The following SH3GLB2 variants were observed in gnomAD, a reference collection of about 807,000 sequenced individuals.
The protein encoded by SH3GLB2 is SH3 domain containing GRB2 like, endophilin B2, also known as endophilin-B2.
A neutral mutation model predicts 48.0 loss-of-function variants in SH3GLB2; 24 were observed. The ratio of observed to expected loss-of-function variants is 0.50; its 90% CI spans 0.36 to 0.70. SH3GLB2 has a LOEUF of 0.70. Among genes scored for constraint, SH3GLB2 ranks in the 30% least tolerant of loss-of-function variants. SH3GLB2 has a pLI of 0.00. For synonymous variants in SH3GLB2, 227 were observed against 207.6 expected (o/e 1.09, Z -0.80); for missense variants, 425 against 516.0 (o/e 0.82, Z 1.71).
intron 1 of SH3GLB2, among the ~76,000 whole-genome samples, chr9:129,027,172 C>T (rs576005464): frequency 6.6e-6 from 1 of 152,306 alleles, no homozygotes; most frequent in South Asian, 2.1e-4. Context: ...GGGCGGGGCT[C>T]TGAGAGAAGT....
At chr9:129,013,479 A>G (rs1843241837) in intron 5 of SH3GLB2, 3 of 186,408 alleles carry the variant, frequency 1.6e-5, no homozygotes, top group South Asian at 1.2e-4. Flanking sequence ...CAATAGGCAC[A>G]GGTCACCCTA....
intron 1 of SH3GLB2, among the ~76,000 whole-genome samples, chr9:129,024,643 C>T (rs1337036017): frequency 6.6e-6 from 1 of 151,234 alleles, no homozygotes; most frequent in Admixed American, 6.6e-5. Context: ...GCCCAGGAGG[C>T]GGAGGTTGCA....
chr9:129,015,072 G>GAACT (rs1166150726), intron 3 of SH3GLB2, among the ~76,000 whole-genome samples, 168 bp from the exon 4 acceptor site: 25 of 152,146 alleles, frequency 1.6e-4, no homozygotes, highest in African/African-American at 6.0e-4. Flanking sequence ...CATCAACTGG[G>GAACT]AACTAACAAA....
rs1220245533 is a variant in SH3GLB2, at chr9:129,008,782, C to CA, written c.1089dup (p.Val364CysfsTer10). ...GGGTCCATGCCAGGCAGGCTGTAGA[C>CA]AGTGATGAGCTGCAGAGATGGCAGT... is the stretch of plus-strand genomic sequence containing the variant. On this transcript the variant is annotated frameshift_variant, in exon 11 of 11. Coordinates refer to ENST00000372564, the MANE Select transcript of SH3GLB2 (RefSeq NM_020145.4). LOFTEE classifies it high-confidence loss of function. 6.2e-7 allele frequency: 1 copy of CA among 1,613,810 alleles called. No homozygotes were observed. The highest frequency in any genetic ancestry group is 2.2e-5 in the East Asian group (1 of 44,888).
At chr9:129,010,766 C>G in intron 6 of SH3GLB2, 73 bp from the exon 7 acceptor site, 1 of 1,582,146 alleles carries the variant, frequency 6.3e-7, no homozygotes, top group Non-Finnish European at 8.7e-7. Context: ...AGCCTGTGCC[C>G]TGCCCCAGCT....
At position 129,011,724 on chromosome 9, in the gene SH3GLB2, C is replaced by G. The variant is rs1329819018; in HGVS notation, c.624+512G>C. On this transcript the variant is annotated intron_variant, in intron 6 of 10. Transcript: ENST00000372564. The surrounding 1 kb of genome is among the most constrained non-coding windows in gnomAD (Gnocchi z 4.5). ...TGGGGGCCCTGCCTAAGCCTCAGGA[C>G]AAGACATGCCCTGCTCCAGGACCTC... The G allele has an allele frequency of 6.5e-6, 1 of 153,888 alleles. No individual in the cohort carries two copies. Among genetic ancestry groups the G allele is most frequent in the Non-Finnish European group, 1.4e-5 (1 of 69,240 alleles). The allele number at this position is 153,888 out of a possible 1,614,324, so 9.5% of individuals were successfully genotyped here.
In SH3GLB2 at chr9:129,012,254, G is replaced by T; in HGVS notation, c.606C>A (p.Leu202=). ...CGCTTACCGCGGAGGCGCTGGCCGA[G>T]AGAATGTAATTACGAGGTCTAGTCT... is the stretch of plus-strand genomic sequence containing the variant. ...FQETRPRNYI[L]SASASALWND... The change falls in exon 6 of 11, where the codon CTC becomes CTA. Residue 202 remains leucine (L), a synonymous_variant. Transcript: ENST00000372564. 7.7e-7 allele frequency: 1 copy of T among 1,298,952 alleles called. No homozygotes were observed. The highest frequency in any genetic ancestry group is 3.6e-5 in the Admixed American group (1 of 27,422). 80.5% of individuals were successfully genotyped at this position (1,298,952 alleles called of 1,614,324 possible).
chr9:129,016,341 TTAAAAAAAAAAA>T lies in SH3GLB2; in HGVS notation c.335-1449_335-1438del, dbSNP rs1432427622. ...CTGGGCAACAAGAGCAAGACTGTCT[TTAAAAAAAAAAA>T]AAAAAAAAAAAAAAAAAAAAGATAC... On this transcript the variant is annotated intron_variant, in intron 3 of 10. Transcript: ENST00000372564. Among the ~76,000 whole-genome samples, 660 of 111,120 alleles carry T rather than the reference TTAAAAAAAAAAA, an allele frequency of 5.9e-3. 26 individuals are homozygous for T. Among genetic ancestry groups the T allele is most frequent in the African/African-American group, 0.019 (528 of 27,316 alleles). 72.9% of individuals were successfully genotyped at this position (111,120 alleles called of 152,430 possible). A position where few individuals can be genotyped will look rare whatever the true frequency, so the allele number is the denominator to read the frequency against.
intron 3 of SH3GLB2, among the ~76,000 whole-genome samples, chr9:129,016,567 A>G (rs181403356): frequency 6.6e-6 from 1 of 151,678 alleles, no homozygotes; most frequent in Non-Finnish European, 1.5e-5. Flanking sequence ...CTGAGGTAGG[A>G]TAATCGCTTG....
intron 10 of SH3GLB2, 122 bp downstream of exon 10, chr9:129,008,983 TC>T: frequency 1.3e-6 from 2 of 1,494,354 alleles, no homozygotes; most frequent in Non-Finnish European, 9.0e-7. Flanking sequence ...GGATATGCCC[TC>T]TTTAACCTGC....
At chr9:129,013,083 C>G (rs1164199236) in intron 5 of SH3GLB2, 14 of 1,545,272 alleles carry the variant, frequency 9.1e-6, no homozygotes, top group Non-Finnish European at 1.1e-5. Context: ...GAGTCCACAG[C>G]GCAGGCAGGA....
chr9:129,009,723 T>G (rs371855354), intron 9 of SH3GLB2, 48 bp downstream of exon 9: 7 of 1,537,148 alleles, frequency 4.6e-6, no homozygotes, highest in Non-Finnish European at 5.3e-6. Flanking sequence ...ACGGACAGGG[T>G]ATGGGAGCCA....
At position 129,012,260 on chromosome 9, in the gene SH3GLB2, G is replaced by A. The variant is rs755216231; in HGVS notation, c.600C>T (p.Tyr200=). The change falls in exon 6 of 11, where the codon TAC becomes TAT. Residue 200 remains tyrosine, a synonymous_variant. Coordinates refer to ENST00000372564, the MANE Select transcript of SH3GLB2 (RefSeq NM_020145.4). ...CCGCGGAGGCGCTGGCCGAGAGAAT[G>A]TAATTACGAGGTCTAGTCTCCTGAA... is the stretch of plus-strand genomic sequence containing the variant. ...PDFQETRPRN[Y]ILSASASALW... is the part of the protein sequence containing the mutation. The A allele has an allele frequency of 3.1e-6, 4 of 1,300,564 alleles. No individual in the cohort carries two copies. Among genetic ancestry groups the A allele is most frequent in the Admixed American group, 7.2e-5 (2 of 27,696 alleles). The allele number at this position is 1,300,564 out of a possible 1,614,324, so 80.6% of individuals were successfully genotyped here.
chr9:129,020,237 G>C (rs1436637163), intron 3 of SH3GLB2, among the ~76,000 whole-genome samples: 1 of 132,746 alleles, frequency 7.5e-6, no homozygotes, highest in East Asian at 2.2e-4. Context: ...AAAAAAGTCA[G>C]GTTCCCAGAT....
At position 129,014,626 on chromosome 9, in the gene SH3GLB2, G is replaced by A; in HGVS notation, c.469-123C>T. The stretch of plus-strand genomic sequence containing the variant: ...ATAGGGAAACTGAGGCCCAGAGATA[G>A]GAGGTCACTCAGTCCAAAGGAGCCC... On this transcript the variant is annotated intron_variant, in intron 4 of 10. Transcript: ENST00000372564. The surrounding 1 kb of genome is among the most constrained non-coding windows in gnomAD (Gnocchi z 4.1). 1 of 1,489,314 alleles carries A rather than the reference G, an allele frequency of 6.7e-7. No individual in the cohort carries two copies. The highest frequency in any genetic ancestry group is 1.4e-5 in the African/African-American group (1 of 71,960). The allele number at this position is 1,489,314 out of a possible 1,614,324, so 92.3% of individuals were successfully genotyped here.
chr9:129,019,033 G>GA (rs1422815331), intron 3 of SH3GLB2, among the ~76,000 whole-genome samples: 2 of 151,926 alleles, frequency 1.3e-5, no homozygotes, highest in African/African-American at 4.8e-5. Flanking sequence ...GGCTGGAGGT[G>GA]AAAATGGGGC....
At chr9:129,025,590 G>A (rs1436360923) in intron 1 of SH3GLB2, among the ~76,000 whole-genome samples, 2 of 151,032 alleles carry the variant, frequency 1.3e-5, no homozygotes, top group South Asian at 2.1e-4. Flanking sequence ...AAGGAAAGAA[G>A]AAAGGAGAGA....
At chr9:129,019,521 C>T (rs1453413865) in intron 3 of SH3GLB2, among the ~76,000 whole-genome samples, 2 of 151,688 alleles carry the variant, frequency 1.3e-5, no homozygotes, top group East Asian at 3.9e-4. Context: ...GCCTGGATAA[C>T]ATGGTGAAAC....
Position 129,014,881 on chromosome 9 carries a change from C to T in SH3GLB2, c.358G>A (p.Glu120Lys). 1.9e-6 allele frequency: 3 copies of T among 1,614,090 alleles called. No individual in the cohort carries two copies. Among genetic ancestry groups the T allele is most frequent in the Non-Finnish European group, 2.5e-6 (3 of 1,180,018 alleles). ...PYGKTLIKVA[E>K]AEKQLGAAER... Reference sequence around the variant, plus strand: ...GCGGCTCCCAGTTGCTTTTCAGCTTCTGCCACCTTGATCAGTGTCTTCCCT... The same window carrying T: ...GCGGCTCCCAGTTGCTTTTCAGCTTTTGCCACCTTGATCAGTGTCTTCCCT... The change falls in exon 4 of 11, where the codon GAA becomes AAA. Residue 120 changes from glutamate to lysine, a missense_variant. Transcript: ENST00000372564. This position sits in a 1 kb window ranked among gnomAD's most constrained non-coding sequence, Gnocchi z 4.1.
Sources: gnomAD v4.1 joint callset for allele counts (sites outside exome capture counted in the v4.1 genomes callset) on GRCh38, gnomAD v4.1.1 for gene constraint, Gnocchi (gnomAD v3.1) non-coding constraint, MANE v1.5 for transcripts, NCBI Gene and HGNC (gene_info 2026-07-23, HGNC 2026-07-21) for gene names.